GRM5: variants seen among roughly 807,000 people sequenced by gnomAD.
The protein encoded by GRM5 is glutamate metabotropic receptor 5.
A neutral mutation model predicts 83.1 loss-of-function variants in GRM5; 19 were observed. The observed-to-expected ratio is 0.23, with a 90% CI of 0.16 to 0.34. GRM5 has a LOEUF of 0.34. Among genes scored for constraint, GRM5 ranks in the 10% least tolerant of loss-of-function variants. The pLI is 1.00. For missense variants in GRM5, 1,160 were observed against 1,588.3 expected (o/e 0.73, Z 4.58); for synonymous variants, 675 against 633.6 (o/e 1.07, Z -0.98).
At chr11:88,725,823 CAGAA>C (rs954792254) in intron 3 of GRM5, among the ~76,000 whole-genome samples, 2 of 152,206 alleles carry the variant, frequency 1.3e-5, no homozygotes, top group Admixed American at 1.3e-4. Flanking sequence ...AACTAACAAA[CAGAA>C]AGGAATAGCA....
chr11:88,549,318 A>G (rs984168556), intron 8 of GRM5, among the ~76,000 whole-genome samples: 1 of 151,994 alleles, frequency 6.6e-6, no homozygotes, highest in Non-Finnish European at 1.5e-5. Flanking sequence ...TACAAAAATT[A>G]GCCAGGTGTG....
intron 4 of GRM5, among the ~76,000 whole-genome samples, chr11:88,635,556 T>C (rs950969195): frequency 2.0e-5 from 3 of 152,238 alleles, no homozygotes; most frequent in Non-Finnish European, 4.4e-5. Flanking sequence ...AATTTTGCTA[T>C]TGAGTTGTTT....
intron 3 of GRM5, among the ~76,000 whole-genome samples, chr11:88,766,090 T>C (rs748418629): frequency 6.6e-6 from 1 of 151,924 alleles, no homozygotes; most frequent in African/African-American, 2.4e-5. Flanking sequence ...AAGATGCTCA[T>C]GGATAGGAAG....
At chr11:88,616,771 A>G (rs1394185) in intron 4 of GRM5, among the ~76,000 whole-genome samples, 4,859 of 152,268 alleles carry the variant, frequency 0.032, 239 homozygotes, top group Admixed American at 0.14. Flanking sequence ...TTTTTATCAT[A>G]TATTAAACAT....
rs575285845 is a variant in GRM5 at position 89,033,645 on chromosome 11, T to C, written c.661+13567A>G. 1.6e-4 allele frequency among the ~76,000 whole-genome samples: 25 copies of C among 152,054 alleles called. 1 individual carries two copies. The South Asian group carries it at 5.0e-3, about 30-fold the overall frequency. On this transcript the variant is annotated intron_variant, in intron 2 of 9. Transcript: ENST00000305447. ...TTGTATGCATTAATTTTCCATGTAT[T>C]GATAGATTGAAGGTAAAAGCAAAAG...
At chr11:88,950,379 T>TGTGG (rs1938420824) in intron 2 of GRM5, among the ~76,000 whole-genome samples, 1 of 149,692 alleles carries the variant, frequency 6.7e-6, no homozygotes, top group Non-Finnish European at 1.5e-5. Flanking sequence ...TGTGTGTGTG[T>TGTGG]GTAACATATG....
At chr11:88,967,205 G>A (rs1439623305) in intron 2 of GRM5, among the ~76,000 whole-genome samples, 2 of 135,974 alleles carry the variant, frequency 1.5e-5, no homozygotes, top group African/African-American at 2.7e-5. Flanking sequence ...ATGTGTGTGT[G>A]TGTGTGTGTA....
intron 8 of GRM5, among the ~76,000 whole-genome samples, chr11:88,565,408 C>T (rs896222430): frequency 6.6e-6 from 1 of 152,310 alleles, no homozygotes. Flanking sequence ...TCTCTGCCAC[C>T]ACTCCATGCT....
rs145559347 is a variant in GRM5 at position 88,757,654 on chromosome 11, C to A, written c.911+92252G>T. Among the ~76,000 whole-genome samples the A allele has an allele frequency of 3.6e-3, 551 of 152,226 alleles. 2 individuals are homozygous for A. The highest frequency in any genetic ancestry group is 6.4e-3 in the Non-Finnish European group (435 of 68,012). On this transcript the variant is annotated intron_variant, in intron 3 of 9. Coordinates refer to ENST00000305447, the MANE Select transcript of GRM5 (RefSeq NM_001143831.3). ...ACAGTCACCAATAAGGGATGTCCTC[C>A]TCCAGTTACGCTGTCTCCCCCACTG...
intron 8 of GRM5, among the ~76,000 whole-genome samples, chr11:88,528,513 A>C (rs1941932583): frequency 6.6e-6 from 1 of 152,084 alleles, no homozygotes; most frequent in Admixed American, 6.6e-5. Flanking sequence ...AGTTTATTTT[A>C]GAAATATGGA....
chr11:88,761,847 C>T (rs1386504664), intron 3 of GRM5, among the ~76,000 whole-genome samples: 1 of 151,636 alleles, frequency 6.6e-6, no homozygotes, highest in East Asian at 1.9e-4. Context: ...TACTGGTACA[C>T]AGACACATAG....
intron 2 of GRM5, among the ~76,000 whole-genome samples, chr11:88,998,750 T>A (rs1430465476): frequency 1.3e-5 from 2 of 152,192 alleles, no homozygotes; most frequent in African/African-American, 4.8e-5. Context: ...GTATTCATGA[T>A]AAACATAAAA....
intron 2 of GRM5, among the ~76,000 whole-genome samples, chr11:89,043,075 C>T (rs1386966648): frequency 6.6e-6 from 1 of 152,140 alleles, no homozygotes; most frequent in African/African-American, 2.4e-5. Flanking sequence ...CATTTTGACA[C>T]CTCATTTTTA....
chr11:88,543,087 T>C (rs1456761294), intron 8 of GRM5, among the ~76,000 whole-genome samples: 1 of 152,100 alleles, frequency 6.6e-6, no homozygotes, highest in Non-Finnish European at 1.5e-5. Context: ...TAATAACACC[T>C]AGGTGTCCTA....
At chr11:88,553,038 G>GT (rs1942547321) in intron 8 of GRM5, among the ~76,000 whole-genome samples, 1 of 152,196 alleles carries the variant, frequency 6.6e-6, no homozygotes, top group South Asian at 2.1e-4. Flanking sequence ...TTTTTTTGTT[G>GT]TTTTTTAAAG....
intron 3 of GRM5, among the ~76,000 whole-genome samples, chr11:88,825,585 T>C: frequency 6.6e-6 from 1 of 152,160 alleles, no homozygotes; most frequent in East Asian, 1.9e-4. Context: ...GTAAAAGAAA[T>C]TGACAACACA....
intron 8 of GRM5, among the ~76,000 whole-genome samples, chr11:88,563,919 T>A (rs1942814374): frequency 6.6e-6 from 1 of 152,146 alleles, no homozygotes; most frequent in South Asian, 2.1e-4. Flanking sequence ...AGATTTTGTA[T>A]CACAGAGAAG....
At chr11:88,570,176 A>T (rs1452663949) in intron 7 of GRM5, among the ~76,000 whole-genome samples, 1 of 152,200 alleles carries the variant, frequency 6.6e-6, no homozygotes, top group Non-Finnish European at 1.5e-5. Flanking sequence ...AATGGATTTA[A>T]TAGGAGTTAT....
intron 4 of GRM5, among the ~76,000 whole-genome samples, chr11:88,621,238 C>T (rs1448857143): frequency 1.3e-5 from 2 of 152,142 alleles, no homozygotes; most frequent in Non-Finnish European, 2.9e-5. Context: ...TCCCACTTGG[C>T]CCTGTCTGTT....
Sources: allele counts gnomAD v4.1 joint callset (sites outside exome capture counted in the v4.1 genomes callset), GRCh38; gene constraint gnomAD v4.1.1; transcripts MANE v1.5; gene names NCBI Gene and HGNC (gene_info 2026-07-23, HGNC 2026-07-21).